The following POFUT3 variants were observed in gnomAD, a reference collection of about 807,000 sequenced individuals.
POFUT3 encodes the protein GDP-fucose protein O-fucosyltransferase 3.
chr8:33,448,054 T>G, the POFUT3 span, among the ~76,000 whole-genome samples: 1 of 152,118 alleles, frequency 6.6e-6, no homozygotes. Flanking sequence ...TCAAATATGG[T>G]CTAGGCCAGG....
chr8:33,327,499 C>T, the POFUT3 span, among the ~76,000 whole-genome samples: 25 of 151,884 alleles, frequency 1.6e-4, no homozygotes, highest in Non-Finnish European at 2.9e-4. Context: ...TTTTCTGACC[C>T]CCAAGAAAGT....
At chr8:33,462,984 T>A in the POFUT3 span, among the ~76,000 whole-genome samples, 2 of 151,618 alleles carry the variant, frequency 1.3e-5, no homozygotes, top group East Asian at 1.9e-4. Flanking sequence ...TTTATCCCTA[T>A]GATATTCTAT....
chr8:33,344,806 T>C, the POFUT3 span, among the ~76,000 whole-genome samples: 1,171 of 152,340 alleles, frequency 7.7e-3, 8 homozygotes, highest in Non-Finnish European at 0.014. Flanking sequence ...AATTTCCAAA[T>C]TATTTAAGAG....
the POFUT3 span, among the ~76,000 whole-genome samples, chr8:33,423,818 T>TA: frequency 0.45 from 31,494 of 69,736 alleles, 10,783 homozygotes; most frequent in Non-Finnish European, 0.53. Context: ...GCACACCAAG[T>TA]AAAAAAAAAA....
the POFUT3 span, among the ~76,000 whole-genome samples, chr8:33,457,309 C>G: frequency 1.3e-5 from 2 of 151,978 alleles, no homozygotes; most frequent in Non-Finnish European, 2.9e-5. Flanking sequence ...ATTAGCTGGG[C>G]ATGGTGGCAT....
At chr8:33,404,167 G>T in the POFUT3 span, among the ~76,000 whole-genome samples, 6 of 152,106 alleles carry the variant, frequency 3.9e-5, no homozygotes, top group South Asian at 1.0e-3. Flanking sequence ...GCAAAACCCC[G>T]TCTTGACTAA....
At chr8:33,327,546 G>C in the POFUT3 span, among the ~76,000 whole-genome samples, 3 of 151,668 alleles carry the variant, frequency 2.0e-5, no homozygotes, top group African/African-American at 4.9e-5. Flanking sequence ...AGCTCCTCCT[G>C]TTTCAGAAAA....
the POFUT3 span, among the ~76,000 whole-genome samples, chr8:33,338,064 C>G: frequency 6.6e-6 from 1 of 152,156 alleles, no homozygotes; most frequent in African/African-American, 2.4e-5. Flanking sequence ...ATGTCCTAAT[C>G]TCTTCTTATA....
chr8:33,438,388 G>C, the POFUT3 span, among the ~76,000 whole-genome samples: 1 of 152,158 alleles, frequency 6.6e-6, no homozygotes, highest in East Asian at 1.9e-4. Context: ...GACCAACCTG[G>C]GCAACATAGG....
chr8:33,460,312 G>A, the POFUT3 span, among the ~76,000 whole-genome samples: 1 of 152,216 alleles, frequency 6.6e-6, no homozygotes, highest in East Asian at 1.9e-4. Flanking sequence ...CCGAGACTGC[G>A]CCACTGCTCT....
chr8:33,441,144 A>C, the POFUT3 span, among the ~76,000 whole-genome samples: 1 of 151,960 alleles, frequency 6.6e-6, no homozygotes, highest in African/African-American at 2.4e-5. Context: ...CAGCCTGGCC[A>C]ACATGGTGAA....
At chr8:33,321,301 A>G in the POFUT3 span, among the ~76,000 whole-genome samples, 1 of 152,156 alleles carries the variant, frequency 6.6e-6, no homozygotes, top group African/African-American at 2.4e-5. Flanking sequence ...GATTCAGAGA[A>G]GATACAGCTG....
chr8:33,425,172 C>CA, the POFUT3 span, among the ~76,000 whole-genome samples: 2 of 151,296 alleles, frequency 1.3e-5, no homozygotes, highest in Non-Finnish European at 3.0e-5. Context: ...ACAATGCCTA[C>CA]AAAAAAATTT....
chr8:33,423,571 A>C, the POFUT3 span, among the ~76,000 whole-genome samples: 1 of 152,014 alleles, frequency 6.6e-6, no homozygotes, highest in East Asian at 1.9e-4. Flanking sequence ...TTTCCAGACC[A>C]ATTCTTGCAG....
At chr8:33,340,461 T>C in the POFUT3 span, among the ~76,000 whole-genome samples, 9 of 151,976 alleles carry the variant, frequency 5.9e-5, 1 homozygote, top group African/African-American at 2.2e-4. Context: ...CAAATATAAA[T>C]GGTCTAAATA....
chr8:33,309,351 T>TTGTGTGTG, the POFUT3 span, among the ~76,000 whole-genome samples: 1 of 142,560 alleles, frequency 7.0e-6, no homozygotes, highest in Admixed American at 7.0e-5. Context: ...CTTAAAGGTA[T>TTGTGTGTG]TGTGTGTGTG....
At chr8:33,402,110 T>C in the POFUT3 span, among the ~76,000 whole-genome samples, 1 of 152,184 alleles carries the variant, frequency 6.6e-6, no homozygotes, top group Non-Finnish European at 1.5e-5. Context: ...ACTCAGTAAT[T>C]GCTGATATCT....
the POFUT3 span, among the ~76,000 whole-genome samples, chr8:33,317,738 G>A: frequency 6.6e-6 from 1 of 151,908 alleles, no homozygotes; most frequent in South Asian, 2.1e-4. Context: ...GTGGATGTTG[G>A]CCTTACTGAG....
At chr8:33,462,382 C>T in the POFUT3 span, among the ~76,000 whole-genome samples, 3 of 152,138 alleles carry the variant, frequency 2.0e-5, no homozygotes, top group Non-Finnish European at 4.4e-5. Context: ...TATCCACCCA[C>T]TCCCATAAAA....
Sources: gnomAD v4.1 joint callset for allele counts (sites outside exome capture counted in the v4.1 genomes callset) on GRCh38, gnomAD v4.1.1 for gene constraint, MANE v1.5 for transcripts, NCBI Gene and HGNC (gene_info 2026-07-23, HGNC 2026-07-21) for gene names.